Variants in DISC1 observed in about 807,000 individuals in gnomAD.
The protein encoded by DISC1 is DISC1 scaffold protein.
In DISC1, 57 loss-of-function variants were observed where a neutral mutation model predicts 84.5. That is an observed-to-expected ratio of 0.67 (90% CI 0.55 to 0.84). The LOEUF (loss-of-function observed/expected upper bound fraction) is 0.84. Ranked by LOEUF, DISC1 falls within the 40% of genes least tolerant of loss-of-function variation. The probability of loss-of-function intolerance (pLI) is 0.00; values close to 1 mark genes in which losing one functional copy is unlikely to be tolerated. For missense variants in DISC1, 1,000 were observed against 1,057.8 expected (o/e 0.95, Z 0.76); for synonymous variants, 411 against 415.2 (o/e 0.99, Z 0.12).
At chr1:231,700,026 C>T (rs1331659920) in intron 2 of DISC1, among the ~76,000 whole-genome samples, 1 of 152,210 alleles carries the variant, frequency 6.6e-6, no homozygotes, top group Admixed American at 6.5e-5. Flanking sequence ...GGTTCACTCC[C>T]TTACCACTTT....
intron 3 of DISC1, among the ~76,000 whole-genome samples, chr1:231,744,334 A>T (rs1204666356): frequency 6.6e-6 from 1 of 152,176 alleles, no homozygotes; most frequent in African/African-American, 2.4e-5. Flanking sequence ...GCCAAGGACC[A>T]CCAGAAGGGA....
chr1:231,627,346 T>A (rs1293295546), intron 1 of DISC1, among the ~76,000 whole-genome samples: 1 of 152,186 alleles, frequency 6.6e-6, no homozygotes, highest in Non-Finnish European at 1.5e-5. Context: ...CTGCGCCCCC[T>A]CGGGACAGGG....
intron 9 of DISC1, among the ~76,000 whole-genome samples, chr1:231,938,617 CCTT>C (rs1318884478): frequency 2.0e-5 from 3 of 152,194 alleles, no homozygotes; most frequent in Non-Finnish European, 4.4e-5. Flanking sequence ...CCAGCCGAGT[CCTT>C]CTGTGTTGGA....
intron 9 of DISC1, among the ~76,000 whole-genome samples, chr1:231,841,671 T>C (rs1269533963): frequency 6.6e-6 from 1 of 152,246 alleles, no homozygotes; most frequent in Non-Finnish European, 1.5e-5. Context: ...CCTAGAGGGT[T>C]TGTGTGGTGA....
intron 9 of DISC1, among the ~76,000 whole-genome samples, chr1:231,869,503 A>G (rs1416060090): frequency 6.6e-6 from 1 of 151,928 alleles, no homozygotes; most frequent in Non-Finnish European, 1.5e-5. Context: ...CATTTGGTTC[A>G]TGGTTCTGCA....
Position 231,987,182 on chromosome 1 carries a change from G to A in DISC1, c.2043-21603G>A, listed in dbSNP as rs76083695. On this transcript the variant is annotated intron_variant, in intron 10 of 12. Transcript: ENST00000439617. ...AAATAATTTTATTGTGCTATTTTTA[G>A]ACTTCAATTTAGATTGCAGCCTTTA... Among the ~76,000 whole-genome samples the A allele has an allele frequency of 3.1e-3, 470 of 152,318 alleles. 2 individuals are homozygous for A. Among genetic ancestry groups the A allele is most frequent in the African/African-American group, 0.01 (436 of 41,564 alleles).
At chr1:231,920,905 A>ATTT (rs34325068) in intron 9 of DISC1, among the ~76,000 whole-genome samples, 7 of 112,938 alleles carry the variant, frequency 6.2e-5, no homozygotes, top group South Asian at 2.9e-4. Context: ...CTGAACTGCT[A>ATTT]TTTTTTTTTT....
intron 9 of DISC1, among the ~76,000 whole-genome samples, chr1:231,935,779 C>T (rs1200457289): frequency 2.0e-5 from 3 of 152,138 alleles, no homozygotes; most frequent in Non-Finnish European, 2.9e-5. Context: ...TAAATGTGGA[C>T]GTGCACAATG....
chr1:231,869,840 G>T (rs1281066821), intron 9 of DISC1, among the ~76,000 whole-genome samples: 1 of 152,118 alleles, frequency 6.6e-6, no homozygotes, highest in Non-Finnish European at 1.5e-5. Context: ...AGATGAAATT[G>T]TTTGGGCCTT....
At chr1:231,775,751 T>G (rs1349893350) in intron 6 of DISC1, among the ~76,000 whole-genome samples, 5 of 152,204 alleles carry the variant, frequency 3.3e-5, no homozygotes, top group Admixed American at 3.3e-4. Context: ...TCAACCCCCC[T>G]GCTTTAAAAC....
At chr1:231,898,311 T>G (rs1184066155) in intron 9 of DISC1, among the ~76,000 whole-genome samples, 3 of 152,216 alleles carry the variant, frequency 2.0e-5, no homozygotes. Flanking sequence ...TTCTTGTCAC[T>G]GTTTTCATGT....
intron 8 of DISC1, among the ~76,000 whole-genome samples, chr1:231,807,872 C>A (rs2079872975): frequency 6.6e-6 from 1 of 152,188 alleles, no homozygotes; most frequent in Non-Finnish European, 1.5e-5. Context: ...GTGAAAAAAA[C>A]TTTTAAAAGA....
intron 9 of DISC1, among the ~76,000 whole-genome samples, chr1:231,898,343 G>A (rs1007763486): frequency 1.3e-5 from 2 of 152,192 alleles, no homozygotes; most frequent in East Asian, 3.9e-4. Context: ...TCAGGGGTGG[G>A]CCAGTTCTGG....
chr1:231,655,141 G>A (rs1230744268), intron 1 of DISC1, among the ~76,000 whole-genome samples: 1 of 152,148 alleles, frequency 6.6e-6, no homozygotes, highest in African/African-American at 2.4e-5. Flanking sequence ...AGGAGTACAA[G>A]TGGTTTTTGC....
At chr1:231,847,666 C>T (rs58952504) in intron 9 of DISC1, among the ~76,000 whole-genome samples, 7,005 of 152,224 alleles carry the variant, frequency 0.046, 202 homozygotes, top group African/African-American at 0.086. Flanking sequence ...TTTGTTCCCT[C>T]ATCCTAAAAT....
rs184529333 is a variant in DISC1 at position 232,025,917 on chromosome 1, C to A, written c.2308-518C>A. ...CTCCCATGTATGGTGGTGGTAGCGG[C>A]GGCTCTATATGCAGTATACACCTCA... is the stretch of plus-strand genomic sequence containing the variant. On this transcript the variant is annotated intron_variant, in intron 11 of 12. Coordinates refer to ENST00000439617, the MANE Select transcript of DISC1 (RefSeq NM_018662.3). 3.0e-4 allele frequency among the ~76,000 whole-genome samples: 46 copies of A among 152,182 alleles called. No individual in the cohort carries two copies. The East Asian group carries it at 6.2e-3, about 20-fold the overall frequency.
At chr1:231,865,363 T>G (rs944388692) in intron 9 of DISC1, among the ~76,000 whole-genome samples, 1 of 152,246 alleles carries the variant, frequency 6.6e-6, no homozygotes, top group East Asian at 1.9e-4. Flanking sequence ...TGTGTTACAC[T>G]GGTTTGTTTA....
chr1:231,705,265 G>A (rs1365287690), intron 3 of DISC1, among the ~76,000 whole-genome samples: 1 of 124,020 alleles, frequency 8.1e-6, no homozygotes, highest in Non-Finnish European at 1.6e-5. Context: ...TCCAGCCCGG[G>A]CAACAGTGGG....
At chr1:231,994,888 T>C (rs1008780487) in intron 10 of DISC1, among the ~76,000 whole-genome samples, 2 of 152,224 alleles carry the variant, frequency 1.3e-5, no homozygotes, top group Non-Finnish European at 2.9e-5. Flanking sequence ...TGCTATCCAT[T>C]GTGTTCTAAG....
Sources: allele counts gnomAD v4.1 joint callset (sites outside exome capture counted in the v4.1 genomes callset), GRCh38; gene constraint gnomAD v4.1.1; transcripts MANE v1.5; gene names NCBI Gene and HGNC (gene_info 2026-07-23, HGNC 2026-07-21).